The following RORA variants were observed in gnomAD, a reference collection of about 807,000 sequenced individuals.
RORA encodes the protein RAR related orphan receptor A, also known as nuclear receptor ROR-alpha.
Under a neutral mutation model 69.5 loss-of-function variants are expected in RORA, and 7 were observed. That is an observed-to-expected ratio of 0.10 (90% confidence interval 0.06 to 0.19). The LOEUF (loss-of-function observed/expected upper bound fraction) is 0.19. RORA is among the 10% of genes least tolerant of loss of function. The pLI is 1.00. For synonymous variants in RORA, 261 were observed against 240.8 expected, an observed-to-expected ratio of 1.08 and a Z score of -0.78; for missense variants, 457 against 663.0, an observed-to-expected ratio of 0.69 and a Z score of 3.41.
intron 1 of RORA, among the ~76,000 whole-genome samples, chr15:60,954,312 G>C (rs1002028642): frequency 2.2e-5 from 3 of 133,804 alleles, no homozygotes; most frequent in Non-Finnish European, 3.2e-5. Context: ...GGTGGGGGGA[G>C]GGATAGCATT....
At chr15:60,519,511 A>G (rs1296172273) in intron 3 of RORA, among the ~76,000 whole-genome samples, 1 of 152,216 alleles carries the variant, frequency 6.6e-6, no homozygotes, top group Non-Finnish European at 1.5e-5. Context: ...TTGTGTGTCA[A>G]AAGAATTCCT....
chr15:60,640,879 CT>C (rs1425883057), intron 2 of RORA, among the ~76,000 whole-genome samples: 1 of 152,182 alleles, frequency 6.6e-6, no homozygotes, highest in African/African-American at 2.4e-5. Flanking sequence ...ATCTTAAATA[CT>C]GTTTATCTGT....
At chr15:60,655,853 CT>C (rs2070213964) in intron 2 of RORA, among the ~76,000 whole-genome samples, 1 of 152,176 alleles carries the variant, frequency 6.6e-6, no homozygotes, top group African/African-American at 2.4e-5. Flanking sequence ...GACCCTCATC[CT>C]TGTTCAGTAT....
At chr15:60,668,815 ATTC>A (rs1291550578) in intron 2 of RORA, among the ~76,000 whole-genome samples, 1 of 152,226 alleles carries the variant, frequency 6.6e-6, no homozygotes, top group East Asian at 1.9e-4. Flanking sequence ...GGACCTTGGT[ATTC>A]TTTAAGTAAA....
At chr15:60,975,499 TAAG>T (rs1184671186) in intron 1 of RORA, among the ~76,000 whole-genome samples, 4 of 152,022 alleles carry the variant, frequency 2.6e-5, no homozygotes, top group Non-Finnish European at 5.9e-5. Flanking sequence ...AAAAAAACAG[TAAG>T]AAAATTGGAT....
intron 1 of RORA, among the ~76,000 whole-genome samples, chr15:60,913,516 G>T (rs957484064): frequency 6.6e-6 from 1 of 152,208 alleles, no homozygotes; most frequent in African/African-American, 2.4e-5. Flanking sequence ...ACTGCCACGT[G>T]ACAGGCTGTG....
intron 1 of RORA, among the ~76,000 whole-genome samples, chr15:60,786,316 A>G (rs965212466): frequency 1.3e-5 from 2 of 152,244 alleles, no homozygotes; most frequent in Non-Finnish European, 2.9e-5. Flanking sequence ...AGGGGATAAA[A>G]CAAGATAACA....
chr15:60,873,207 C>T (rs2073576048), intron 1 of RORA, among the ~76,000 whole-genome samples: 1 of 151,776 alleles, frequency 6.6e-6, no homozygotes, highest in Admixed American at 6.6e-5. Flanking sequence ...AGATTGTGGT[C>T]TTCTATGGGT....
At chr15:60,699,113 C>T (rs1376157273) in intron 1 of RORA, among the ~76,000 whole-genome samples, 1 of 151,978 alleles carries the variant, frequency 6.6e-6, no homozygotes, top group African/African-American at 2.4e-5. Context: ...ATAATCATAG[C>T]CCTTTATGTA....
intron 1 of RORA, among the ~76,000 whole-genome samples, chr15:61,093,727 T>C (rs947730277): frequency 6.6e-6 from 1 of 152,182 alleles, no homozygotes; most frequent in Non-Finnish European, 1.5e-5. Context: ...TCATGACCCA[T>C]AACTCGATGG....
At chr15:60,715,399 G>A (rs1454715193) in intron 1 of RORA, among the ~76,000 whole-genome samples, 2 of 152,194 alleles carry the variant, frequency 1.3e-5, no homozygotes, top group East Asian at 1.9e-4. Flanking sequence ...TTCTTCCAAA[G>A]TGTCCCAGCG....
Position 61,213,609 on chromosome 15 carries a change from T to C in RORA, c.166+15444A>G, listed in dbSNP as rs1376933396. On this transcript the variant is annotated intron_variant, in intron 1 of 10. Coordinates refer to ENST00000335670, the MANE Select transcript of RORA (RefSeq NM_134261.3). This position sits in a 1 kb window ranked among gnomAD's most constrained non-coding sequence, Gnocchi z 4.1. Reference sequence around the variant, plus strand: ...CCTGTCACTTTTTGCCAAAAGAATCTCCTCATTTTTCTAAAACCCGGGCAG... The same window carrying C: ...CCTGTCACTTTTTGCCAAAAGAATCCCCTCATTTTTCTAAAACCCGGGCAG... 6.6e-6 allele frequency among the ~76,000 whole-genome samples: 1 copy of C among 152,066 alleles called. No homozygotes were observed. Among genetic ancestry groups the C allele is most frequent in the African/African-American group, 2.4e-5 (1 of 41,398 alleles).
intron 7 of RORA, 120 bp from the exon 8 acceptor site, chr15:60,502,987 A>G: frequency 1.3e-6 from 1 of 769,690 alleles, no homozygotes; most frequent in Middle Eastern, 2.3e-4. Flanking sequence ...TGTGCAGTTT[A>G]GCTAGCGGGT....
intron 2 of RORA, among the ~76,000 whole-genome samples, chr15:60,638,000 G>A (rs991131041): frequency 3.3e-5 from 5 of 152,028 alleles, no homozygotes; most frequent in Non-Finnish European, 5.9e-5. Context: ...TAAAGGGTGG[G>A]GTTCATGCTA....
At chr15:60,778,184 C>G (rs572485268) in intron 1 of RORA, among the ~76,000 whole-genome samples, 31 of 151,938 alleles carry the variant, frequency 2.0e-4, no homozygotes, top group Admixed American at 2.0e-3. Context: ...TTCATAATTT[C>G]TGATGTGGCT....
At position 60,795,316 on chromosome 15, in the gene RORA, C is replaced by T. The variant is rs150404972; in HGVS notation, c.167-116630G>A. On this transcript the variant is annotated intron_variant, in intron 1 of 10. Coordinates refer to ENST00000335670, the MANE Select transcript of RORA (RefSeq NM_134261.3). ...CTCTTCACCTTTACTCCTGTGCTCA[C>T]CACGAAACAACAAGAGCAGCAGCAG... 5.7e-3 allele frequency among the ~76,000 whole-genome samples: 868 copies of T among 152,302 alleles called. 6 individuals carry two copies. The highest frequency in any genetic ancestry group is 8.8e-3 in the Non-Finnish European group (596 of 68,032).
chr15:61,161,585 T>C (rs919831060), intron 1 of RORA, among the ~76,000 whole-genome samples: 1 of 152,180 alleles, frequency 6.6e-6, no homozygotes, highest in Non-Finnish European at 1.5e-5. Context: ...CTTTTCTTAA[T>C]GTTTTATTGT....
intron 2 of RORA, among the ~76,000 whole-genome samples, chr15:60,636,906 C>A (rs1261117144): frequency 6.6e-6 from 1 of 151,936 alleles, no homozygotes; most frequent in Non-Finnish European, 1.5e-5. Flanking sequence ...TTTATTAATT[C>A]TTTAAATATT....
At chr15:60,895,275 C>T (rs1002450975) in intron 1 of RORA, among the ~76,000 whole-genome samples, 1 of 152,056 alleles carries the variant, frequency 6.6e-6, no homozygotes. Context: ...CAGTTCTGAT[C>T]GGATTCACTT....
Sources: allele counts gnomAD v4.1 joint callset (sites outside exome capture counted in the v4.1 genomes callset), GRCh38; gene constraint gnomAD v4.1.1; non-coding constraint Gnocchi (gnomAD v3.1); transcripts MANE v1.5; gene names NCBI Gene and HGNC (gene_info 2026-07-23, HGNC 2026-07-21).